Variants in JARID2 observed in about 807,000 individuals in gnomAD.
JARID2 encodes the protein protein Jumonji.
JARID2 carries 21 observed loss-of-function variants against 125.6 expected under a neutral mutation model. That is an observed-to-expected ratio of 0.17 (90% CI 0.12 to 0.24). The LOEUF is 0.24. JARID2 is among the 10% of genes least tolerant of loss of function. The pLI, the probability that JARID2 is intolerant of heterozygous loss-of-function variation, is 1.00. For synonymous variants in JARID2, 736 were observed against 661.6 expected, an observed-to-expected ratio of 1.11 and a Z score of -1.73; for missense variants, 1,303 against 1,639.6, an observed-to-expected ratio of 0.79 and a Z score of 3.55.
In JARID2 at chr6:15,253,786, C is replaced by T. The variant is rs756550090; in HGVS notation, c.45+7202C>T. On this transcript the variant is annotated intron_variant, in intron 1 of 17. Coordinates refer to ENST00000341776, the MANE Select transcript of JARID2 (RefSeq NM_004973.4). ...ACGACACAACACCCACTTCTCTTAA[C>T]GGGATTGTGAAGAGAGGACTCAGTC... Among the ~76,000 whole-genome samples the T allele has an allele frequency of 1.2e-4, 19 of 152,124 alleles. 1 individual carries two copies. The South Asian group carries it at 2.3e-3, about 18-fold the overall frequency.
intron 3 of JARID2, among the ~76,000 whole-genome samples, chr6:15,414,046 T>C (rs537935485): frequency 6.6e-6 from 1 of 152,302 alleles, no homozygotes; most frequent in East Asian, 1.9e-4. Context: ...ATTTAATTAC[T>C]CCTACTCTAC....
intron 2 of JARID2, among the ~76,000 whole-genome samples, chr6:15,386,482 T>C (rs781605805): frequency 6.6e-6 from 1 of 152,150 alleles, no homozygotes; most frequent in Non-Finnish European, 1.5e-5. Flanking sequence ...TCAGTACAGT[T>C]GACATGTTTG....
chr6:15,296,810 C>T (rs1340322927), intron 1 of JARID2, among the ~76,000 whole-genome samples: 3 of 152,214 alleles, frequency 2.0e-5, no homozygotes, highest in African/African-American at 4.8e-5. Context: ...TGGGTGTTCC[C>T]AGCCCCCTGT....
intron 3 of JARID2, among the ~76,000 whole-genome samples, chr6:15,431,939 A>G (rs1021574532): frequency 6.6e-6 from 1 of 152,206 alleles, no homozygotes; most frequent in Non-Finnish European, 1.5e-5. Context: ...GTTCTCAGGA[A>G]TGCCTGGTTA....
At chr6:15,358,329 A>G (rs1193247463) in intron 1 of JARID2, among the ~76,000 whole-genome samples, 1 of 152,232 alleles carries the variant, frequency 6.6e-6, no homozygotes, top group Non-Finnish European at 1.5e-5. Context: ...GTGATGAGAT[A>G]TATTGAATCA....
rs1470738311 is a variant in JARID2 at position 15,374,221 on chromosome 6, A to C, written c.150A>C (p.Glu50Asp). Residue 50 changes from glutamate (E) to aspartate (D), a missense_variant, in exon 2 of 18, where the codon GAA becomes GAC. By Grantham distance (45) the Glu-to-Asp change is conservative (BLOSUM62 2). Around this residue, in one of 11 missense-constraint regions of JARID2, gnomAD observed 93 missense variants for 120.4 expected, o/e 0.77. Transcript: ENST00000341776. ...ATTCCCAGAAGAGGCAGCATGCGGAAGGCATTGCTGGGAGCCTGAAAACTG... is the reference window on the plus strand; with the variant it reads ...ATTCCCAGAAGAGGCAGCATGCGGACGGCATTGCTGGGAGCCTGAAAACTG... ...FKNSQKRQHA[E>D]GIAGSLKTVN... 1 of 1,614,112 alleles carries C rather than the reference A, an allele frequency of 6.2e-7. No individual in the cohort carries two copies. The highest frequency in any genetic ancestry group is 2.2e-5 in the East Asian group (1 of 44,886).
At chr6:15,433,655 A>T (rs373091604) in intron 3 of JARID2, among the ~76,000 whole-genome samples, 6 of 152,136 alleles carry the variant, frequency 3.9e-5, no homozygotes, top group African/African-American at 1.4e-4. Flanking sequence ...GGGTTGCAAT[A>T]CATGGTGCTT....
rs759120962 is a variant in JARID2, at chr6:15,263,065, GGTGTGTGTTTGTGT to G, written c.45+16490_45+16503del. On this transcript the variant is annotated intron_variant, in intron 1 of 17. Transcript: ENST00000341776. ...TGGGGCTCTAGCTTGCCCTTTGGAG[GGTGTGTGTTTGTGT>G]GTGTGTGTGTGTGTGTGTGTGTGTG... is the stretch of plus-strand genomic sequence containing the variant. 3.0e-3 allele frequency among the ~76,000 whole-genome samples: 430 copies of G among 141,082 alleles called. 2 individuals carry two copies. Among genetic ancestry groups the G allele is most frequent in the African/African-American group, 0.01 (385 of 37,426 alleles). 92.6% of individuals were successfully genotyped at this position (141,082 alleles called of 152,430 possible).
At chr6:15,404,520 C>CACACAT (rs1765570422) in intron 2 of JARID2, among the ~76,000 whole-genome samples, 1 of 340 alleles carries the variant, frequency 2.9e-3, no homozygotes, top group African/African-American at 5.8e-3. Context: ...TCTTAAAGTG[C>CACACAT]ACACACACAC....
chr6:15,315,271 T>A (rs1762141884), intron 1 of JARID2, among the ~76,000 whole-genome samples: 1 of 152,222 alleles, frequency 6.6e-6, no homozygotes, highest in Non-Finnish European at 1.5e-5. Flanking sequence ...GCAAACAACT[T>A]CCTTCAGATG....
At chr6:15,295,992 C>T (rs1561776890) in intron 1 of JARID2, among the ~76,000 whole-genome samples, 1 of 152,190 alleles carries the variant, frequency 6.6e-6, no homozygotes, top group African/African-American at 2.4e-5. Context: ...TTTTATACCT[C>T]ACGCAGAGAA....
chr6:15,358,236 G>T (rs952592895), intron 1 of JARID2, among the ~76,000 whole-genome samples: 9 of 152,036 alleles, frequency 5.9e-5, no homozygotes, highest in African/African-American at 1.9e-4. Flanking sequence ...GCTTATAAGC[G>T]TTTCTATCAT....
chr6:15,455,164 G>A (rs767382409), intron 4 of JARID2, among the ~76,000 whole-genome samples: 1 of 146,690 alleles, frequency 6.8e-6, no homozygotes, highest in Non-Finnish European at 1.5e-5. Context: ...CAGCACTGCT[G>A]CCTTGGCAAT....
intron 1 of JARID2, chr6:15,247,500 T>A (rs1191131050): frequency 1.0e-6 from 1 of 982,270 alleles, no homozygotes. Context: ...TCGAGTGATC[T>A]GTGATTAGCT....
chr6:15,430,610 C>T (rs1766928083), intron 3 of JARID2, among the ~76,000 whole-genome samples: 1 of 152,138 alleles, frequency 6.6e-6, no homozygotes, highest in South Asian at 2.1e-4. Flanking sequence ...GTGCACTAAG[C>T]AAGCATTGGG....
intron 1 of JARID2, among the ~76,000 whole-genome samples, chr6:15,366,364 A>G (rs757675324): frequency 6.6e-6 from 1 of 151,772 alleles, no homozygotes; most frequent in Non-Finnish European, 1.5e-5. Flanking sequence ...TGTTGTTCAG[A>G]TCCACCATCC....
At chr6:15,306,367 T>C (rs1357177151) in intron 1 of JARID2, among the ~76,000 whole-genome samples, 1 of 143,874 alleles carries the variant, frequency 7.0e-6, no homozygotes, top group Non-Finnish European at 1.5e-5. Flanking sequence ...GGAGTTTTGC[T>C]CTTGTTGCCC....
intron 5 of JARID2, among the ~76,000 whole-genome samples, chr6:15,481,660 A>G (rs1419783497): frequency 1.3e-5 from 2 of 152,096 alleles, no homozygotes; most frequent in Non-Finnish European, 2.9e-5. Context: ...CGTTTAACAC[A>G]TGATTTGACT....
intron 7 of JARID2, 25 bp from the exon 8 acceptor site, chr6:15,500,882 G>T: frequency 6.4e-7 from 1 of 1,566,392 alleles, no homozygotes; most frequent in African/African-American, 1.4e-5. Context: ...TAACTGTCCC[G>T]TTTTTTTCCC....
Sources: gnomAD v4.1 joint callset for allele counts (sites outside exome capture counted in the v4.1 genomes callset) on GRCh38, gnomAD v4.1.1 for gene constraint, gnomAD v4.1.1 regional missense constraint, MANE v1.5 for transcripts, NCBI Gene and HGNC (gene_info 2026-07-23, HGNC 2026-07-21) for gene names.